Variants in MAD1L1 observed in about 807,000 individuals in gnomAD.
MAD1L1 encodes the protein mitotic arrest deficient 1 like 1, also known as mitotic spindle assembly checkpoint protein MAD1.
Under a neutral mutation model 96.9 loss-of-function variants are expected in MAD1L1, and 95 were observed. The ratio of observed to expected loss-of-function variants is 0.98; its 90% CI spans 0.83 to 1.16. The LOEUF (loss-of-function observed/expected upper bound fraction) is 1.16. MAD1L1 is among the 50% of genes most tolerant of loss of function. The pLI, the probability that MAD1L1 is intolerant of heterozygous loss-of-function variation, is 0.00. For synonymous variants in MAD1L1, 473 were observed against 396.6 expected, an observed-to-expected ratio of 1.19 and a Z score of -2.29; for missense variants, 1,007 against 954.4, an observed-to-expected ratio of 1.06 and a Z score of -0.73.
chr7:2,198,924 A>C (rs866988244), intron 10 of MAD1L1, among the ~76,000 whole-genome samples: 1 of 152,306 alleles, frequency 6.6e-6, no homozygotes, highest in Middle Eastern at 3.4e-3. Context: ...CACACAGGCC[A>C]CAGGAAGCCG....
At chr7:2,210,220 A>C (rs867372555) in intron 10 of MAD1L1, among the ~76,000 whole-genome samples, 2 of 152,118 alleles carry the variant, frequency 1.3e-5, no homozygotes, top group South Asian at 4.1e-4. Context: ...CTACAGGTGC[A>C]CACCACTGAG....
chr7:2,017,519 G>A (rs1782595818), intron 12 of MAD1L1, among the ~76,000 whole-genome samples: 1 of 152,224 alleles, frequency 6.6e-6, no homozygotes, highest in African/African-American at 2.4e-5. Context: ...GCAGTAGAGG[G>A]CGGCTCTGCC....
chr7:1,980,145 C>CGCACTCCCCTCCTCTG (rs1227632222), intron 15 of MAD1L1, among the ~76,000 whole-genome samples: 2 of 152,124 alleles, frequency 1.3e-5, no homozygotes, highest in African/African-American at 4.8e-5. Context: ...ACGTGTCTCC[C>CGCACTCCCCTCCTCTG]GCACTCCCCT....
chr7:2,138,166 T>C (rs1413481664), intron 11 of MAD1L1, among the ~76,000 whole-genome samples: 1 of 152,102 alleles, frequency 6.6e-6, no homozygotes, highest in African/African-American at 2.4e-5. Flanking sequence ...AAGGGTTTCA[T>C]GGGGGTGGGA....
At chr7:1,936,947 G>A in intron 16 of MAD1L1, 50 bp from the exon 17 acceptor site, 2 of 1,449,790 alleles carry the variant, frequency 1.4e-6, no homozygotes, top group Non-Finnish European at 1.9e-6. Context: ...CACACACGCA[G>A]CACGGGTCAC....
intron 16 of MAD1L1, among the ~76,000 whole-genome samples, chr7:1,939,472 GCACAGA>G (rs1778835132): frequency 6.3e-4 from 1 of 1,576 alleles, no homozygotes; most frequent in African/African-American, 9.4e-4. Flanking sequence ...GGTCCCTCAG[GCACAGA>G]CATGACCATG....
intron 11 of MAD1L1, among the ~76,000 whole-genome samples, chr7:2,129,420 A>G (rs1788401934): frequency 6.6e-6 from 1 of 152,194 alleles, no homozygotes; most frequent in African/African-American, 2.4e-5. Flanking sequence ...CAGCAGGCTC[A>G]CGGCGGCTCC....
chr7:1,884,205 C>G (rs1039681501), intron 18 of MAD1L1, among the ~76,000 whole-genome samples: 5 of 152,252 alleles, frequency 3.3e-5, no homozygotes, highest in Non-Finnish European at 7.3e-5. Flanking sequence ...TTTGGTGGCA[C>G]AGCCCTGCTC....
chr7:2,058,745 T>C (rs867068373), intron 12 of MAD1L1, among the ~76,000 whole-genome samples: 380 of 25,584 alleles, frequency 0.015, no homozygotes, highest in Admixed American at 0.019. Flanking sequence ...GGAGTGTGGC[T>C]AGAGGAGAGA....
intron 18 of MAD1L1, among the ~76,000 whole-genome samples, chr7:1,892,941 G>A (rs1000960986): frequency 2.0e-5 from 3 of 152,232 alleles, no homozygotes; most frequent in Admixed American, 6.5e-5. Context: ...GTAACAGAAG[G>A]CTTCCTTCCC....
chr7:2,208,694 A>C (rs761032684), intron 10 of MAD1L1, among the ~76,000 whole-genome samples: 9 of 152,076 alleles, frequency 5.9e-5, no homozygotes, highest in Non-Finnish European at 8.8e-5. Context: ...TTCCAAAGAG[A>C]AGCAAGCATC....
intron 12 of MAD1L1, among the ~76,000 whole-genome samples, chr7:2,026,255 T>C (rs1584117547): frequency 6.6e-6 from 1 of 152,154 alleles, no homozygotes; most frequent in South Asian, 2.1e-4. Context: ...AAAGGCAAAA[T>C]TCACCAGGAA....
intron 12 of MAD1L1, among the ~76,000 whole-genome samples, chr7:2,015,319 G>A (rs945164962): frequency 6.6e-6 from 1 of 152,196 alleles, no homozygotes; most frequent in Non-Finnish European, 1.5e-5. Flanking sequence ...CAGGATGTCG[G>A]AGGCCACACG....
intron 18 of MAD1L1, among the ~76,000 whole-genome samples, chr7:1,865,889 T>C (rs56300387): frequency 0.031 from 4,664 of 152,280 alleles, 150 homozygotes; most frequent in Admixed American, 0.076. Context: ...TGACAGCCTC[T>C]AGTGAGCCAC....
intron 18 of MAD1L1, among the ~76,000 whole-genome samples, chr7:1,823,005 T>A (rs978705958): frequency 6.6e-5 from 10 of 152,048 alleles, no homozygotes; most frequent in African/African-American, 2.4e-4. Context: ...CGTGACCAAG[T>A]GGGACTTCGT....
rs971767257 is a variant in MAD1L1 at position 1,950,480 on chromosome 7, G to A, written c.1596+7149C>T. On this transcript the variant is annotated intron_variant, in intron 16 of 18. Coordinates refer to ENST00000265854, the MANE Select transcript of MAD1L1 (RefSeq NM_001013836.2). ...GGTAATCACCCGCTGACTTCCACCCGAGTCCTTCAGAAGGTAATCTGCGGA... is the reference window on the plus strand; with the variant it reads ...GGTAATCACCCGCTGACTTCCACCCAAGTCCTTCAGAAGGTAATCTGCGGA... Among the ~76,000 whole-genome samples the A allele has an allele frequency of 4.6e-5, 7 of 152,206 alleles. No homozygotes were observed. The East Asian group carries it at 5.8e-4, about 13-fold the overall frequency.
intron 10 of MAD1L1, among the ~76,000 whole-genome samples, chr7:2,178,726 G>A (rs1272324254): frequency 2.6e-5 from 4 of 152,012 alleles, no homozygotes; most frequent in African/African-American, 9.7e-5. Context: ...GCGAAACCCT[G>A]TCTCTACTAA....
At chr7:1,974,322 G>A (rs567445965) in intron 15 of MAD1L1, among the ~76,000 whole-genome samples, 3 of 152,300 alleles carry the variant, frequency 2.0e-5, no homozygotes, top group African/African-American at 4.8e-5. Flanking sequence ...ACCACCAAAC[G>A]CTTAAGGAAA....
chr7:2,057,156 C>G (rs1784418747), intron 12 of MAD1L1, among the ~76,000 whole-genome samples: 1 of 152,238 alleles, frequency 6.6e-6, no homozygotes. Context: ...CCCTTGAGCT[C>G]CGAGTCTGCT....
Sources: allele counts gnomAD v4.1 joint callset (sites outside exome capture counted in the v4.1 genomes callset), GRCh38; gene constraint gnomAD v4.1.1; transcripts MANE v1.5; gene names NCBI Gene and HGNC (gene_info 2026-07-23, HGNC 2026-07-21).